The following EPHA5 variants were observed in gnomAD, a reference collection of about 807,000 sequenced individuals.
The protein encoded by EPHA5 is EPH receptor A5.
A neutral mutation model predicts 105.0 loss-of-function variants in EPHA5; 60 were observed. The ratio of observed to expected loss-of-function variants is 0.57; its 90% CI spans 0.46 to 0.71. EPHA5 has a LOEUF of 0.71. Among genes scored for constraint, EPHA5 ranks in the 30% least tolerant of loss-of-function variants. The pLI, the probability that EPHA5 is intolerant of heterozygous loss-of-function variation, is 0.00. For synonymous variants in EPHA5, 513 were observed against 449.1 expected, an observed-to-expected ratio of 1.14 and a Z score of -1.80; for missense variants, 1,218 against 1,274.7, an observed-to-expected ratio of 0.96 and a Z score of 0.68.
intron 2 of EPHA5, among the ~76,000 whole-genome samples, chr4:65,605,643 A>C (rs1003235955): frequency 8.5e-5 from 13 of 152,140 alleles, no homozygotes; most frequent in Non-Finnish European, 1.3e-4. Context: ...GTTTCTATTT[A>C]TCTTGATTCT....
chr4:65,557,413 A>G (rs1387043902), intron 3 of EPHA5, among the ~76,000 whole-genome samples: 1 of 151,690 alleles, frequency 6.6e-6, no homozygotes, highest in Non-Finnish European at 1.5e-5. Context: ...CAATAATTTA[A>G]CAAGTATTGT....
chr4:65,513,555 T>G (rs1427257255), intron 3 of EPHA5, among the ~76,000 whole-genome samples: 1 of 152,060 alleles, frequency 6.6e-6, no homozygotes, highest in Non-Finnish European at 1.5e-5. Context: ...CCCGACTAAT[T>G]TTTGTGATCT....
At chr4:65,350,135 A>T (rs1722673679) in intron 13 of EPHA5, among the ~76,000 whole-genome samples, 1 of 152,096 alleles carries the variant, frequency 6.6e-6, no homozygotes, top group African/African-American at 2.4e-5. Context: ...TAGTTGTATA[A>T]CCTCAATCTT....
At chr4:65,337,898 G>A (rs182322409) in intron 14 of EPHA5, among the ~76,000 whole-genome samples, 1 of 152,134 alleles carries the variant, frequency 6.6e-6, no homozygotes, top group Non-Finnish European at 1.5e-5. Flanking sequence ...AAATTAAATG[G>A]TCAGATAAAT....
intron 1 of EPHA5, among the ~76,000 whole-genome samples, chr4:65,666,507 C>A (rs1207369293): frequency 1.3e-5 from 2 of 152,186 alleles, no homozygotes; most frequent in East Asian, 3.9e-4. Flanking sequence ...GGACATGAAC[C>A]CTTTACTTAC....
intron 3 of EPHA5, among the ~76,000 whole-genome samples, chr4:65,578,451 T>C (rs972062746): frequency 2.6e-5 from 4 of 152,236 alleles, no homozygotes; most frequent in Middle Eastern, 3.4e-3. Context: ...GCCTGGACCA[T>C]CCCAGTCACC....
chr4:65,589,294 T>C (rs894991135), intron 3 of EPHA5, among the ~76,000 whole-genome samples: 7 of 152,054 alleles, frequency 4.6e-5, no homozygotes, highest in African/African-American at 1.4e-4. Flanking sequence ...TTATTCTGAA[T>C]TTAAATTTTT....
chr4:65,526,328 G>A (rs1230604981), intron 3 of EPHA5, among the ~76,000 whole-genome samples: 1 of 151,754 alleles, frequency 6.6e-6, no homozygotes, highest in Non-Finnish European at 1.5e-5. Context: ...AATAGTTCAA[G>A]GTCTAGAATC....
intron 14 of EPHA5, among the ~76,000 whole-genome samples, chr4:65,336,853 T>G (rs1159780278): frequency 1.3e-5 from 2 of 152,104 alleles, no homozygotes; most frequent in African/African-American, 2.4e-5. Flanking sequence ...AAGAAGAAAT[T>G]TGTTTATGCT....
intron 6 of EPHA5, among the ~76,000 whole-genome samples, chr4:65,419,311 A>C (rs1723713115): frequency 6.6e-6 from 1 of 152,122 alleles, no homozygotes; most frequent in Admixed American, 6.6e-5. Flanking sequence ...TCTCTTTTCC[A>C]ATGCCCTAGC....
chr4:65,615,152 CT>C (rs1745116964), intron 2 of EPHA5, among the ~76,000 whole-genome samples: 1 of 151,404 alleles, frequency 6.6e-6, no homozygotes, highest in Admixed American at 6.6e-5. Context: ...GCTTATAGAT[CT>C]CTAGGAAAAA....
At chr4:65,379,367 T>C (rs2148926031) in intron 8 of EPHA5, among the ~76,000 whole-genome samples, 1 of 151,882 alleles carries the variant, frequency 6.6e-6, no homozygotes, top group Non-Finnish European at 1.5e-5. Context: ...TTCTACTTTA[T>C]AATTTCAATA....
At chr4:65,439,876 T>A (rs1032962858) in intron 5 of EPHA5, among the ~76,000 whole-genome samples, 1 of 152,136 alleles carries the variant, frequency 6.6e-6, no homozygotes, top group Non-Finnish European at 1.5e-5. Flanking sequence ...CCTTTGATAT[T>A]TTTAAAAAGC....
At chr4:65,524,478 C>T (rs960707104) in intron 3 of EPHA5, among the ~76,000 whole-genome samples, 6 of 151,708 alleles carry the variant, frequency 4.0e-5, no homozygotes, top group African/African-American at 1.4e-4. Context: ...TATCAATATT[C>T]TATGTTTTCT....
At chr4:65,615,820 A>T (rs7689276) in intron 2 of EPHA5, among the ~76,000 whole-genome samples, 46,476 of 151,680 alleles carry the variant, frequency 0.31, 7,258 homozygotes, top group Non-Finnish European at 0.33. Flanking sequence ...AGAAACTGGA[A>T]TACCTATATA....
At chr4:65,508,256 G>A (rs1463329584) in intron 3 of EPHA5, among the ~76,000 whole-genome samples, 6 of 152,096 alleles carry the variant, frequency 3.9e-5, no homozygotes, top group Admixed American at 2.0e-4. Context: ...TTAGACTCAA[G>A]TAGTGAGATC....
At chr4:65,420,607 C>A (rs1269426218) in intron 5 of EPHA5, 42 bp from the exon 6 acceptor site, 1 of 1,588,550 alleles carries the variant, frequency 6.3e-7, no homozygotes. Flanking sequence ...ATTAATAAGG[C>A]CCTAAAAGTA....
At chr4:65,648,382 T>TG (rs1362419527) in intron 1 of EPHA5, among the ~76,000 whole-genome samples, 1 of 152,194 alleles carries the variant, frequency 6.6e-6, no homozygotes, top group Non-Finnish European at 1.5e-5. Context: ...CACATTGGAA[T>TG]GAAAGTGTTT....
chr4:65,513,022 G>A (rs996612244), intron 3 of EPHA5, among the ~76,000 whole-genome samples: 2 of 152,140 alleles, frequency 1.3e-5, no homozygotes, highest in Non-Finnish European at 2.9e-5. Context: ...ATTTGGCTCT[G>A]AGCCTGTAGA....
Sources: gnomAD v4.1 joint callset for allele counts (sites outside exome capture counted in the v4.1 genomes callset) on GRCh38, gnomAD v4.1.1 for gene constraint, MANE v1.5 for transcripts, NCBI Gene and HGNC (gene_info 2026-07-23, HGNC 2026-07-21) for gene names.